Variants in RICTOR observed in about 807,000 individuals in gnomAD.
RICTOR encodes RPTOR independent companion of MTOR complex 2.
A neutral mutation model predicts 214.9 loss-of-function variants in RICTOR; 49 were observed. That is an observed-to-expected ratio of 0.23 (90% CI 0.18 to 0.29). The LOEUF (loss-of-function observed/expected upper bound fraction) is 0.29. RICTOR is among the 10% of genes least tolerant of loss of function. The pLI is 1.00. For synonymous variants in RICTOR, 717 were observed against 711.3 expected (o/e 1.01, Z -0.13); for missense variants, 1,625 against 2,047.0 (o/e 0.79, Z 3.98).
At chr5:38,977,990 AG>A (rs936748266) in intron 9 of RICTOR, among the ~76,000 whole-genome samples, 1 of 152,200 alleles carries the variant, frequency 6.6e-6, no homozygotes, top group African/African-American at 2.4e-5. Flanking sequence ...AAAGTCTACC[AG>A]AAAAAACACT....
chr5:39,062,075 T>C (rs1758578663), intron 2 of RICTOR, among the ~76,000 whole-genome samples: 1 of 152,126 alleles, frequency 6.6e-6, no homozygotes, highest in African/African-American at 2.4e-5. Context: ...TAAGAATTAA[T>C]CTGACCTGCT....
intron 21 of RICTOR, among the ~76,000 whole-genome samples, 180 bp downstream of exon 21, chr5:38,959,599 C>T (rs1749606701): frequency 1.3e-5 from 2 of 151,886 alleles, no homozygotes; most frequent in South Asian, 4.1e-4. Flanking sequence ...TATAAACAAG[C>T]TTTTTGGAAA....
chr5:38,955,471 A>G, intron 26 of RICTOR, 124 bp downstream of exon 26: 1 of 633,578 alleles, frequency 1.6e-6, no homozygotes, highest in Non-Finnish European at 2.8e-6. Flanking sequence ...TGAATTTTTG[A>G]GCAATTAATG....
At chr5:39,018,129 T>A (rs919207656) in intron 3 of RICTOR, among the ~76,000 whole-genome samples, 3 of 152,132 alleles carry the variant, frequency 2.0e-5, no homozygotes, top group Admixed American at 1.3e-4. Flanking sequence ...TTTTAGTGTT[T>A]GCATGAATTG....
At position 38,950,372 on chromosome 5, in the gene RICTOR, AATTGTAATGTTTTCTGTACAGTGG is replaced by A; in HGVS notation, c.3452_3475del (p.Ser1151_Gln1158del). Reference sequence around the variant, plus strand: ...CTTATTCCCCATAAATGAAGTCTCTAATTGTAATGTTTTCTGTACAGTGGATATGGGTGTAAAATCATCACTATG... The same window carrying A: ...CTTATTCCCCATAAATGAAGTCTCTAATATGGGTGTAAAATCATCACTATG... On this transcript the variant is annotated inframe_deletion, in exon 31 of 38. Coordinates refer to ENST00000357387, the MANE Select transcript of RICTOR (RefSeq NM_152756.5). 6.2e-7 allele frequency: 1 copy of A among 1,613,274 alleles called. No homozygotes were observed. Among genetic ancestry groups the A allele is most frequent in the Non-Finnish European group, 8.5e-7 (1 of 1,179,492 alleles).
At chr5:39,074,012 G>A (rs1580250222) in intron 2 of RICTOR, 99 bp downstream of exon 2, 28 of 836,770 alleles carry the variant, frequency 3.3e-5, no homozygotes, top group Non-Finnish European at 4.3e-5. Context: ...GCACCCCGCC[G>A]GTCCCGTGCG....
intron 3 of RICTOR, among the ~76,000 whole-genome samples, chr5:39,012,089 A>G (rs973439350): frequency 6.6e-6 from 1 of 152,154 alleles, no homozygotes; most frequent in African/African-American, 2.4e-5. Context: ...CAAGGGTGGG[A>G]TCACGTGAAA....
At chr5:38,970,675 TAAA>T (rs1469437209) in intron 11 of RICTOR, 1 of 151,844 alleles carries the variant, frequency 6.6e-6, no homozygotes, top group Non-Finnish European at 1.5e-5. Context: ...TTAAAACAAA[TAAA>T]AACATTTAAG....
chr5:38,965,595 G>C (rs1259466843), intron 15 of RICTOR, among the ~76,000 whole-genome samples: 1 of 151,910 alleles, frequency 6.6e-6, no homozygotes, highest in Non-Finnish European at 1.5e-5. Context: ...TTCTTGAACA[G>C]GAAATGGTAT....
intron 2 of RICTOR, among the ~76,000 whole-genome samples, chr5:39,037,317 A>G (rs536494950): frequency 1.3e-5 from 2 of 152,294 alleles, no homozygotes; most frequent in East Asian, 3.9e-4. Context: ...CATTCAAAGC[A>G]GTGTGTAGAG....
rs1373703508 is a variant in RICTOR, at chr5:39,021,196, A to G, written c.98-60T>C. The G allele has an allele frequency of 2.9e-5, 27 of 915,288 alleles. No individual in the cohort carries two copies. The Admixed American group carries it at 4.6e-4, about 16-fold the overall frequency. The allele number at this position is 915,288 out of a possible 1,614,324, so 56.7% of individuals were successfully genotyped here. A position where few individuals can be genotyped will look rare whatever the true frequency, so the allele number is the denominator to read the frequency against. ...TATGAGTATTTTCCTGTTCAAACAC[A>G]TAAAACATGCAGTATTAAAACTTCA... On this transcript the variant is annotated intron_variant, in intron 2 of 37. Transcript: ENST00000357387.
rs146253608 is a variant in RICTOR, at chr5:39,068,083, C to T, written c.97+6028G>A. Among the ~76,000 whole-genome samples, 914 of 152,218 alleles carry T rather than the reference C, an allele frequency of 6.0e-3. 13 individuals are homozygous for T. Among genetic ancestry groups the T allele is most frequent in the African/African-American group, 0.021 (876 of 41,512 alleles). Reference sequence around the variant, plus strand: ...AATAATAAATAAAGACGTAAAAAAGCAGAGAAGGAAGCAATAAATTCCCAC... The same window carrying T: ...AATAATAAATAAAGACGTAAAAAAGTAGAGAAGGAAGCAATAAATTCCCAC... On this transcript the variant is annotated intron_variant, in intron 2 of 37. Transcript: ENST00000357387.
At chr5:39,009,912 T>C (rs1304629121) in intron 3 of RICTOR, among the ~76,000 whole-genome samples, 2 of 152,226 alleles carry the variant, frequency 1.3e-5, no homozygotes. Context: ...TTGTGATGAC[T>C]ACCTTACTAG....
chr5:38,954,909 G>A (rs1749121655), intron 26 of RICTOR, 48 bp from the exon 27 acceptor site: 2 of 893,740 alleles, frequency 2.2e-6, no homozygotes, highest in Admixed American at 2.2e-5. Context: ...ATTTAAATAT[G>A]CTAATTAGAA....
chr5:38,960,552 T>C lies in RICTOR; in HGVS notation c.1716-19A>G, dbSNP rs1397982681. The stretch of plus-strand genomic sequence containing the variant: ...TACAAACCTAAAATCAAAACACAAG[T>C]AGCAAAAAGGTAAGAAATGAAGCAA... On this transcript the variant is annotated intron_variant, in intron 19 of 37. Coordinates refer to ENST00000357387, the MANE Select transcript of RICTOR (RefSeq NM_152756.5). 1.2e-6 allele frequency: 2 copies of C among 1,607,620 alleles called. No individual in the cohort carries two copies.
chr5:39,037,006 G>C (rs1178567989), intron 2 of RICTOR, among the ~76,000 whole-genome samples: 2 of 152,052 alleles, frequency 1.3e-5, no homozygotes, highest in African/African-American at 4.8e-5. Flanking sequence ...CAAATCAACA[G>C]AATATACATT....
At chr5:39,060,757 T>G (rs557938236) in intron 2 of RICTOR, among the ~76,000 whole-genome samples, 1 of 152,116 alleles carries the variant, frequency 6.6e-6, no homozygotes, top group African/African-American at 2.4e-5. Flanking sequence ...ATCAATACTC[T>G]ACAATACATA....
chr5:39,011,949 T>G (rs1341031988), intron 3 of RICTOR, among the ~76,000 whole-genome samples: 1 of 152,132 alleles, frequency 6.6e-6, no homozygotes, highest in African/African-American at 2.4e-5. Context: ...TTTGGGGGAC[T>G]GTTGAAAGGG....
intron 2 of RICTOR, among the ~76,000 whole-genome samples, chr5:39,070,066 T>C (rs1220205728): frequency 6.6e-6 from 1 of 152,252 alleles, no homozygotes; most frequent in African/African-American, 2.4e-5. Flanking sequence ...TTCCAGCAGT[T>C]AATTCAGCAT....
Sources: gnomAD v4.1 joint callset for allele counts (sites outside exome capture counted in the v4.1 genomes callset) on GRCh38, gnomAD v4.1.1 for gene constraint, MANE v1.5 for transcripts, NCBI Gene and HGNC (gene_info 2026-07-23, HGNC 2026-07-21) for gene names.